Variants in ABLIM3 observed in about 807,000 individuals in gnomAD.
ABLIM3 encodes the protein actin-binding LIM protein 3.
In ABLIM3, 61 loss-of-function variants were observed where a neutral mutation model predicts 109.5. The ratio of observed to expected loss-of-function variants is 0.56; its 90% CI spans 0.45 to 0.69. ABLIM3 has a LOEUF of 0.69. Among genes scored for constraint, ABLIM3 ranks in the 30% least tolerant of loss-of-function variants. The pLI is 0.00. For missense variants in ABLIM3, 796 were observed against 889.5 expected, an observed-to-expected ratio of 0.89 and a Z score of 1.34; for synonymous variants, 300 against 324.8, an observed-to-expected ratio of 0.92 and a Z score of 0.82.
intron 3 of ABLIM3, among the ~76,000 whole-genome samples, chr5:149,190,962 G>A (rs1308896792): frequency 6.6e-6 from 1 of 152,134 alleles, no homozygotes; most frequent in Non-Finnish European, 1.5e-5. Context: ...GTGGTACTCA[G>A]AGGAAAATGT....
At chr5:149,217,176 T>C (rs1760182121) in intron 8 of ABLIM3, 130 bp downstream of exon 8, 3 of 840,254 alleles carry the variant, frequency 3.6e-6, no homozygotes, top group African/African-American at 1.7e-5. Context: ...GTCCTCAGAA[T>C]TGCAATTAAT....
intron 3 of ABLIM3, 56 bp downstream of exon 3, chr5:149,183,645 T>G: frequency 6.9e-7 from 1 of 1,458,538 alleles, no homozygotes; most frequent in Non-Finnish European, 9.1e-7. Flanking sequence ...TCTTGCACCA[T>G]CAGGTCATGC....
chr5:149,216,943 C>CTT lies in ABLIM3; in HGVS notation c.670-13_670-12dup. ...CCCTGGCTCTGACCTCCTGTTTCAT[C>CTT]TTTTCATTTCCATAGGCAGGAGGGA... On this transcript the variant is annotated splice_polypyrimidine_tract_variant and intron_variant, in intron 7 of 23. Transcript: ENST00000309868. 1 of 1,612,708 alleles carries CTT rather than the reference C, an allele frequency of 6.2e-7. No individual in the cohort carries two copies. The highest frequency in any genetic ancestry group is 8.5e-7 in the Non-Finnish European group (1 of 1,178,730).
chr5:149,183,308 A>C, intron 2 of ABLIM3, 144 bp from the exon 3 acceptor site: 3 of 992,708 alleles, frequency 3.0e-6, no homozygotes, highest in Admixed American at 3.5e-5. Context: ...CTTGGCAGTC[A>C]TCCTGATGAT....
rs1319521282 is a variant in ABLIM3, at chr5:149,260,504, C to G, written c.*2100C>G. Reference sequence around the variant, plus strand: ...GACTGACATGGGAAGAGGCTGAACCCTGCACATTTTTCAAAATGAAAGCAC... The same window carrying G: ...GACTGACATGGGAAGAGGCTGAACCGTGCACATTTTTCAAAATGAAAGCAC... On this transcript the variant is annotated 3_prime_UTR_variant, in exon 24 of 24. Transcript: ENST00000309868. 1 of 152,514 alleles carries G rather than the reference C, an allele frequency of 6.6e-6. No individual in the cohort carries two copies. Among genetic ancestry groups the G allele is most frequent in the Non-Finnish European group, 1.5e-5 (1 of 68,020 alleles). 9.4% of individuals were successfully genotyped at this position (152,514 alleles called of 1,614,324 possible). A position where few individuals can be genotyped will look rare whatever the true frequency, so the allele number is the denominator to read the frequency against.
rs80308969 is a variant in ABLIM3, at chr5:149,189,164, A to T, written c.151+5575A>T. On this transcript the variant is annotated intron_variant, in intron 3 of 23. Transcript: ENST00000309868. ...AAAACTGAATATTCATATGCAAAAA[A>T]TGAATTCACACTCTTTCTTTACACA... is the stretch of plus-strand genomic sequence containing the variant. Among the ~76,000 whole-genome samples the T allele has an allele frequency of 1.4e-3, 215 of 152,238 alleles. 3 individuals carry two copies. The East Asian group carries it at 0.021, about 15-fold the overall frequency.
At chr5:149,179,742 C>T (rs774582908) in intron 2 of ABLIM3, among the ~76,000 whole-genome samples, 1 of 151,774 alleles carries the variant, frequency 6.6e-6, no homozygotes, top group Non-Finnish European at 1.5e-5. Flanking sequence ...TTATGGTAGC[C>T]ACTAATCACA....
At chr5:149,172,541 T>G (rs956246268) in intron 2 of ABLIM3, among the ~76,000 whole-genome samples, 6 of 152,208 alleles carry the variant, frequency 3.9e-5, no homozygotes, top group Non-Finnish European at 8.8e-5. Flanking sequence ...ACGCATGTGG[T>G]GAGCATGTGA....
At chr5:149,232,241 G>A (rs1761937715) in intron 9 of ABLIM3, among the ~76,000 whole-genome samples, 1 of 152,214 alleles carries the variant, frequency 6.6e-6, no homozygotes, top group Non-Finnish European at 1.5e-5. Flanking sequence ...GAGAGGCAGA[G>A]GTTGCAGTGA....
intron 9 of ABLIM3, among the ~76,000 whole-genome samples, 157 bp from the exon 10 acceptor site, chr5:149,233,072 C>T (rs1049560895): frequency 2.0e-5 from 3 of 152,186 alleles, no homozygotes; most frequent in Non-Finnish European, 4.4e-5. Flanking sequence ...ATACTCAGAC[C>T]TTGACTTGAA....
chr5:149,242,546 C>T lies in ABLIM3; in HGVS notation c.1351+8C>T. On this transcript the variant is annotated splice_region_variant and intron_variant, in intron 15 of 23. Coordinates refer to ENST00000309868, the MANE Select transcript of ABLIM3 (RefSeq NM_014945.5). ...CGATCTACAAACGGCATGGTATGGTCAGAGGTAGATAGGGCTTGGCCACAC... is the reference window on the plus strand; with the variant it reads ...CGATCTACAAACGGCATGGTATGGTTAGAGGTAGATAGGGCTTGGCCACAC... The T allele has an allele frequency of 6.2e-7, 1 of 1,614,040 alleles. No individual in the cohort carries two copies. Among genetic ancestry groups the T allele is most frequent in the Non-Finnish European group, 8.5e-7 (1 of 1,179,994 alleles).
At chr5:149,242,684 G>C (rs1343765453) in intron 15 of ABLIM3, 146 bp downstream of exon 15, 3 of 824,644 alleles carry the variant, frequency 3.6e-6, no homozygotes, top group African/African-American at 3.3e-5. Flanking sequence ...CATCACCCAG[G>C]GTGACATTAG....
chr5:149,221,878 CT>C (rs2127532726), intron 8 of ABLIM3, among the ~76,000 whole-genome samples: 1 of 152,214 alleles, frequency 6.6e-6, no homozygotes, highest in Admixed American at 6.5e-5. Flanking sequence ...ATAGACTCTT[CT>C]TCTACCCTTC....
intron 2 of ABLIM3, among the ~76,000 whole-genome samples, chr5:149,157,840 C>G (rs766722642): frequency 2.6e-5 from 4 of 152,032 alleles, no homozygotes; most frequent in Non-Finnish European, 5.9e-5. Flanking sequence ...CACCTCAGAC[C>G]CCAGACTTCC....
intron 13 of ABLIM3, among the ~76,000 whole-genome samples, 193 bp downstream of exon 13, chr5:149,240,081 T>C (rs994749912): frequency 6.6e-6 from 1 of 151,592 alleles, no homozygotes; most frequent in Admixed American, 6.6e-5. Context: ...GATGGAGGAG[T>C]GTGTGGCACT....
At chr5:149,147,932 C>T (rs1298032693) in intron 2 of ABLIM3, among the ~76,000 whole-genome samples, 1 of 152,154 alleles carries the variant, frequency 6.6e-6, no homozygotes, top group Admixed American at 6.5e-5. Flanking sequence ...GGTGGTCACA[C>T]TGTCATGATC....
chr5:149,189,258 A>C (rs1485316762), intron 3 of ABLIM3, among the ~76,000 whole-genome samples: 1 of 152,194 alleles, frequency 6.6e-6, no homozygotes. Context: ...AACTCTTAGG[A>C]AAAAATATAA....
At chr5:149,197,487 C>G (rs1758088549) in intron 3 of ABLIM3, among the ~76,000 whole-genome samples, 1 of 152,138 alleles carries the variant, frequency 6.6e-6, no homozygotes, top group Admixed American at 6.6e-5. Context: ...ATATGATCTT[C>G]TCTCTGCAGC....
intron 2 of ABLIM3, among the ~76,000 whole-genome samples, chr5:149,169,949 A>C (rs1755216105): frequency 6.6e-6 from 1 of 152,186 alleles, no homozygotes; most frequent in South Asian, 2.1e-4. Flanking sequence ...CAAGTGAAAA[A>C]ATCCTAACTC....
Sources: gnomAD v4.1 joint callset for allele counts (sites outside exome capture counted in the v4.1 genomes callset) on GRCh38, gnomAD v4.1.1 for gene constraint, MANE v1.5 for transcripts, NCBI Gene and HGNC (gene_info 2026-07-23, HGNC 2026-07-21) for gene names.